Variants in NFIB observed in about 807,000 individuals in gnomAD.
The protein encoded by NFIB is nuclear factor 1 B-type.
Under a neutral mutation model 61.5 loss-of-function variants are expected in NFIB, and 11 were observed. The ratio of observed to expected loss-of-function variants is 0.18; its 90% CI spans 0.11 to 0.30. The LOEUF is 0.30. Ranked by LOEUF, NFIB falls within the 10% of genes least tolerant of loss-of-function variation. The pLI is 1.00. For synonymous variants in NFIB, 260 were observed against 216.5 expected, an observed-to-expected ratio of 1.20 and a Z score of -1.76; for missense variants, 471 against 608.9, an observed-to-expected ratio of 0.77 and a Z score of 2.38.
the NFIB span, among the ~76,000 whole-genome samples, chr9:14,412,964 A>G: frequency 1.3e-5 from 2 of 152,138 alleles, no homozygotes; most frequent in Non-Finnish European, 2.9e-5. Context: ...CCCACTCCAG[A>G]AGAGCCACAG....
At chr9:14,503,603 T>C in the NFIB span, among the ~76,000 whole-genome samples, 2 of 152,234 alleles carry the variant, frequency 1.3e-5, no homozygotes, top group African/African-American at 4.8e-5. Flanking sequence ...TTTTTCCATA[T>C]GCTTCTTGGC....
chr9:14,481,045 A>G, the NFIB span, among the ~76,000 whole-genome samples: 65 of 151,292 alleles, frequency 4.3e-4, 1 homozygote, highest in African/African-American at 1.5e-3. Context: ...GGATTTTGCC[A>G]GACTGGGGAG....
At chr9:14,336,131 A>T (rs1019101548) in intron 1 of NFIB, among the ~76,000 whole-genome samples, 1 of 152,200 alleles carries the variant, frequency 6.6e-6, no homozygotes, top group African/African-American at 2.4e-5. Context: ...TGTGCCTTCA[A>T]TATTATCTTT....
chr9:14,084,985 G>T lies in NFIB; in HGVS notation c.*3324C>A, dbSNP rs1450778889. ...CACTGGCAAAAAAGAGAGCGAGTCT[G>T]CCTTTAAAAAATACTGTGTGTCCTG... On this transcript the variant is annotated 3_prime_UTR_variant, in exon 11 of 11. Coordinates refer to ENST00000380953, the MANE Select transcript of NFIB (RefSeq NM_001190737.2). 1.3e-5 allele frequency: 3 copies of T among 229,504 alleles called. No homozygotes were observed. Among genetic ancestry groups the T allele is most frequent in the Non-Finnish European group, 1.7e-5 (2 of 115,556 alleles). 14.2% of individuals were successfully genotyped at this position (229,504 alleles called of 1,614,324 possible).
chr9:14,123,785 G>C (rs2039263324), intron 7 of NFIB, among the ~76,000 whole-genome samples: 1 of 151,256 alleles, frequency 6.6e-6, no homozygotes, highest in Non-Finnish European at 1.5e-5. Flanking sequence ...CTGCCTCCCA[G>C]TTTGCCCCTC....
the NFIB span, among the ~76,000 whole-genome samples, chr9:14,495,446 C>CTTTTT: frequency 1.1e-4 from 13 of 117,264 alleles, 1 homozygote; most frequent in African/African-American, 3.0e-4. Context: ...GAGAAATGAA[C>CTTTTT]TTTTTTTTTT....
intron 2 of NFIB, among the ~76,000 whole-genome samples, chr9:14,281,600 T>C (rs1165032092): frequency 6.6e-6 from 1 of 152,196 alleles, no homozygotes; most frequent in African/African-American, 2.4e-5. Flanking sequence ...GTAATTACAG[T>C]TGTTGGCTTT....
chr9:14,153,756 G>A (rs1408896400), intron 4 of NFIB, among the ~76,000 whole-genome samples: 2 of 152,096 alleles, frequency 1.3e-5, no homozygotes, highest in Non-Finnish European at 2.9e-5. Context: ...CAGAATTTGT[G>A]ATACACACAT....
chr9:14,487,579 AGAT>A, the NFIB span, among the ~76,000 whole-genome samples: 2 of 151,382 alleles, frequency 1.3e-5, no homozygotes, highest in African/African-American at 4.9e-5. Context: ...TCTCAAAGAG[AGAT>A]GATAACTGGG....
chr9:14,442,213 G>A, the NFIB span, among the ~76,000 whole-genome samples: 1 of 151,966 alleles, frequency 6.6e-6, no homozygotes, highest in Admixed American at 6.6e-5. Context: ...TACAATGCTG[G>A]TTAGTGTGCT....
chr9:14,176,714 T>C (rs920569800), intron 3 of NFIB, among the ~76,000 whole-genome samples: 1 of 152,138 alleles, frequency 6.6e-6, no homozygotes, highest in Non-Finnish European at 1.5e-5. Flanking sequence ...TGAAGAGCTT[T>C]AGGGTCACCC....
At chr9:14,435,591 G>A in the NFIB span, among the ~76,000 whole-genome samples, 2 of 152,158 alleles carry the variant, frequency 1.3e-5, no homozygotes, top group Non-Finnish European at 2.9e-5. Context: ...AAGCACAGTG[G>A]AAATGTTAGT....
At chr9:14,184,281 G>A (rs958097806) in intron 2 of NFIB, among the ~76,000 whole-genome samples, 8 of 152,116 alleles carry the variant, frequency 5.3e-5, no homozygotes, top group African/African-American at 1.2e-4. Flanking sequence ...AAAATAATGC[G>A]AAGCTAAATG....
chr9:14,321,912 A>G, intron 1 of NFIB: 1 of 1,231,670 alleles, frequency 8.1e-7, no homozygotes, highest in Non-Finnish European at 1.0e-6. Context: ...AAAGAAGCAA[A>G]CAAAACCCAT....
chr9:14,270,762 T>C (rs2057546507), intron 2 of NFIB, among the ~76,000 whole-genome samples: 3 of 152,130 alleles, frequency 2.0e-5, no homozygotes, highest in African/African-American at 7.2e-5. Context: ...AAAAATTACA[T>C]ATTGAGGTGA....
At chr9:14,453,236 G>C in the NFIB span, among the ~76,000 whole-genome samples, 1 of 152,314 alleles carries the variant, frequency 6.6e-6, no homozygotes, top group Non-Finnish European at 1.5e-5. Flanking sequence ...GATCCAGTGT[G>C]TGTAATGTAT....
chr9:14,467,098 T>C, the NFIB span, among the ~76,000 whole-genome samples: 1 of 152,140 alleles, frequency 6.6e-6, no homozygotes, highest in African/African-American at 2.4e-5. Context: ...ACTTCTAGGT[T>C]TCCCTTCGAG....
chr9:14,331,675 T>C (rs1240775453), intron 1 of NFIB, among the ~76,000 whole-genome samples: 1 of 152,190 alleles, frequency 6.6e-6, no homozygotes, highest in Non-Finnish European at 1.5e-5. Context: ...CCTGGAGGCA[T>C]TGACTTTTTG....
At chr9:14,346,110 AG>A (rs1415400964) in intron 1 of NFIB, among the ~76,000 whole-genome samples, 3 of 152,024 alleles carry the variant, frequency 2.0e-5, no homozygotes, top group African/African-American at 7.2e-5. Context: ...AGCCACGGGA[AG>A]GGGGGCGCGC....
Sources: gnomAD v4.1 joint callset for allele counts (sites outside exome capture counted in the v4.1 genomes callset) on GRCh38, gnomAD v4.1.1 for gene constraint, MANE v1.5 for transcripts, NCBI Gene and HGNC (gene_info 2026-07-23, HGNC 2026-07-21) for gene names.